The following CRABP2 variants were observed in gnomAD, a reference collection of about 807,000 sequenced individuals.
CRABP2 encodes the protein cellular retinoic acid-binding protein 2.
A neutral mutation model predicts 17.9 loss-of-function variants in CRABP2; 20 were observed. That is an observed-to-expected ratio of 1.12 (90% CI 0.79 to 1.63). The LOEUF (loss-of-function observed/expected upper bound fraction) is 1.63. CRABP2 is among the 40% of genes most tolerant of loss of function. The pLI is 0.00. For missense variants in CRABP2, 151 were observed against 168.6 expected, an observed-to-expected ratio of 0.90 and a Z score of 0.58; for synonymous variants, 76 against 66.4, an observed-to-expected ratio of 1.14 and a Z score of -0.70.
chr1:156,704,146 A>G (rs535592828), intron 1 of CRABP2, among the ~76,000 whole-genome samples: 27 of 152,328 alleles, frequency 1.8e-4, no homozygotes, highest in African/African-American at 6.3e-4. Flanking sequence ...GGCTTTCCAA[A>G]GAGAAAATTT....
In CRABP2 at chr1:156,700,944, C is replaced by T. The variant is rs548565052; in HGVS notation, c.179G>A (p.Arg60His). The T allele has an allele frequency of 4.3e-6, 7 of 1,614,194 alleles. No homozygotes were observed. The highest frequency in any genetic ancestry group is 2.2e-5 in the East Asian group (1 of 44,884). ...AACCTTGAAGTTAATCTCTGTGGTGCGCACGGTGGTGGAGGTTTTGATGTA... is the reference window on the plus strand; with the variant it reads ...AACCTTGAAGTTAATCTCTGTGGTGTGCACGGTGGTGGAGGTTTTGATGTA... ...TFYIKTSTTVRTTEINFKVGE... is the reference protein window; with the variant it reads ...TFYIKTSTTVHTTEINFKVGE... Residue 60 changes from arginine (R) to histidine (H), a missense_variant, in exon 2 of 4, where the codon CGC becomes CAC. Transcript: ENST00000368222.
At chr1:156,701,438 G>T (rs763310915) in intron 1 of CRABP2, among the ~76,000 whole-genome samples, 3 of 152,016 alleles carry the variant, frequency 2.0e-5, no homozygotes, top group Admixed American at 6.6e-5. Flanking sequence ...TACTGGCTCC[G>T]GTTGTCTCTG....
intron 2 of CRABP2, 104 bp from the exon 3 acceptor site, chr1:156,700,762 A>T (rs41267411): frequency 2.6e-6 from 4 of 1,513,952 alleles, no homozygotes; most frequent in Non-Finnish European, 2.7e-6. Flanking sequence ...CCACCTAGGG[A>T]TTTTCCCTAC....
intron 1 of CRABP2, among the ~76,000 whole-genome samples, chr1:156,704,738 C>T (rs905205187): frequency 1.3e-5 from 2 of 152,092 alleles, no homozygotes; most frequent in Non-Finnish European, 2.9e-5. Context: ...TGATAATTAT[C>T]CCTAGCGATT....
At chr1:156,705,743 T>C (rs1330330595), upstream of CRABP2, 3 of 381,196 alleles carry the variant, frequency 7.9e-6, no homozygotes, top group Non-Finnish European at 1.4e-5. The surrounding 1 kb of genome is among the most constrained non-coding windows in gnomAD (Gnocchi z 5.2). Flanking sequence ...TCCAGGCTTC[T>C]CTGGGGACCG....
intron 1 of CRABP2, among the ~76,000 whole-genome samples, chr1:156,702,035 C>T (rs1648052518): frequency 6.6e-6 from 1 of 150,804 alleles, no homozygotes; most frequent in South Asian, 2.1e-4. Context: ...CCCAGCTACT[C>T]AGGAGGCTGA....
intron 1 of CRABP2, among the ~76,000 whole-genome samples, chr1:156,702,272 G>A (rs1429630011): frequency 6.6e-6 from 1 of 151,748 alleles, no homozygotes; most frequent in African/African-American, 2.4e-5. Context: ...CCAGCATAGT[G>A]AAACCCCATC....
chr1:156,699,950 G>A lies in CRABP2; in HGVS notation c.*76C>T, dbSNP rs1374839901. 2.0e-6 allele frequency: 3 copies of A among 1,472,702 alleles called. No homozygotes were observed. The highest frequency in any genetic ancestry group is 1.4e-5 in the African/African-American group (1 of 71,636). The allele number at this position is 1,472,702 out of a possible 1,614,324, so 91.2% of individuals were successfully genotyped here. Reference sequence around the variant, plus strand: ...AGCGCTATCCTAGAAGGAGGGGGTGGGACGGAGGGGGCAGTGAAGCAGGGC... The same window carrying A: ...AGCGCTATCCTAGAAGGAGGGGGTGAGACGGAGGGGGCAGTGAAGCAGGGC... On this transcript the variant is annotated 3_prime_UTR_variant, in exon 4 of 4. Transcript: ENST00000368222.
chr1:156,702,990 A>G (rs1344259126), intron 1 of CRABP2, among the ~76,000 whole-genome samples: 1 of 149,984 alleles, frequency 6.7e-6, no homozygotes, highest in Non-Finnish European at 1.5e-5. Flanking sequence ...TAAGCCCAGA[A>G]GTTTGAGACT....
chr1:156,700,467 G>A, intron 3 of CRABP2, 75 bp downstream of exon 3: 4 of 1,201,378 alleles, frequency 3.3e-6, no homozygotes, highest in South Asian at 2.4e-5. Flanking sequence ...TGAGTCTCCT[G>A]CACCCTGGGG....
At chr1:156,703,641 T>C (rs1648105457) in intron 1 of CRABP2, among the ~76,000 whole-genome samples, 1 of 152,058 alleles carries the variant, frequency 6.6e-6, no homozygotes, top group Admixed American at 6.5e-5. Context: ...CCTACCCTAC[T>C]GCAAACAGAA....
intron 3 of CRABP2, 58 bp downstream of exon 3, chr1:156,700,484 A>G (rs2102603093): frequency 7.1e-7 from 1 of 1,400,144 alleles, no homozygotes; most frequent in East Asian, 2.3e-5. Flanking sequence ...GGGGTCTCCC[A>G]GAGAATCTTG....
In CRABP2 at chr1:156,705,293, T is replaced by G; in HGVS notation, c.70+84A>C. On this transcript the variant is annotated intron_variant, in intron 1 of 3. Transcript: ENST00000368222. This position sits in a 1 kb window ranked among gnomAD's most constrained non-coding sequence, Gnocchi z 5.2. ...CACCCAGTGTCTCACGCCCTGATTG[T>G]GGTCCCGCTGTCTTTCTCATCCCCA... The G allele has an allele frequency of 6.9e-7, 1 of 1,447,010 alleles. No homozygotes were observed. The highest frequency in any genetic ancestry group is 9.7e-7 in the Non-Finnish European group (1 of 1,028,920). The allele number at this position is 1,447,010 out of a possible 1,614,324, so 89.6% of individuals were successfully genotyped here.
chr1:156,701,575 T>C (rs1648034007), intron 1 of CRABP2, among the ~76,000 whole-genome samples: 1 of 152,094 alleles, frequency 6.6e-6, no homozygotes. Flanking sequence ...CCATTTCCCT[T>C]TTTGCCCTAT....
chr1:156,703,031 T>TAAA (rs5778001), intron 1 of CRABP2, among the ~76,000 whole-genome samples: 6 of 86,180 alleles, frequency 7.0e-5, no homozygotes, highest in South Asian at 4.2e-4. Flanking sequence ...ACCCTACCAC[T>TAAA]AAAAAAAAAA....
rs1442398081 is a variant in CRABP2 at position 156,705,501 on chromosome 1, T to A, written c.-55A>T. On this transcript the variant is annotated 5_prime_UTR_variant, in exon 1 of 4. Transcript: ENST00000368222. This position sits in a 1 kb window ranked among gnomAD's most constrained non-coding sequence, Gnocchi z 5.2. ...ACTCCTAGGCTGGAGCACTGGACAC[T>A]GTCTTTTAGTCAAAAGAGACGTCGC... 9 of 1,586,848 alleles carry A rather than the reference T, an allele frequency of 5.7e-6. No individual in the cohort carries two copies. The African/African-American group carries it at 1.1e-4, about 19-fold the overall frequency.
intron 1 of CRABP2, among the ~76,000 whole-genome samples, chr1:156,702,969 G>C (rs1296306103): frequency 6.8e-6 from 1 of 146,764 alleles, no homozygotes; most frequent in African/African-American, 2.5e-5. Flanking sequence ...GGCCGAGGCA[G>C]CAGGACTGCT....
chr1:156,704,875 C>T (rs565508153), intron 1 of CRABP2, among the ~76,000 whole-genome samples: 1 of 151,938 alleles, frequency 6.6e-6, no homozygotes, highest in African/African-American at 2.4e-5. Context: ...AGCAGATCAC[C>T]TCGCAGGCAG....
Position 156,701,507 on chromosome 1 carries a change from C to T in CRABP2, c.71-455G>A, listed in dbSNP as rs559476566. Among the ~76,000 whole-genome samples the T allele has an allele frequency of 5.2e-3, 790 of 152,314 alleles. 3 individuals are homozygous for T. The highest frequency in any genetic ancestry group is 9.3e-3 in the Non-Finnish European group (633 of 68,020). On this transcript the variant is annotated intron_variant, in intron 1 of 3. Transcript: ENST00000368222. ...TGACAGCTCATCAGAGTCACTGGGACTGTACCCCTGGCCAAGCACAGGCCA... is the reference window on the plus strand; with the variant it reads ...TGACAGCTCATCAGAGTCACTGGGATTGTACCCCTGGCCAAGCACAGGCCA...
Sources: allele counts gnomAD v4.1 joint callset (sites outside exome capture counted in the v4.1 genomes callset), GRCh38; gene constraint gnomAD v4.1.1; non-coding constraint Gnocchi (gnomAD v3.1); transcripts MANE v1.5; gene names NCBI Gene and HGNC (gene_info 2026-07-23, HGNC 2026-07-21).